The following TYW1 variants were observed in gnomAD, a reference collection of about 807,000 sequenced individuals.
The protein encoded by TYW1 is S-adenosyl-L-methionine-dependent tRNA 4-demethylwyosine synthase TYW1.
In TYW1, 46 loss-of-function variants were observed where a neutral mutation model predicts 96.2. The observed-to-expected ratio is 0.48, with a 90% confidence interval of 0.38 to 0.61. TYW1 has a LOEUF of 0.61. TYW1 is among the 20% of genes least tolerant of loss of function. The pLI is 0.00. For synonymous variants in TYW1, 274 were observed against 323.0 expected (o/e 0.85, Z 1.63); for missense variants, 684 against 909.6 (o/e 0.75, Z 3.19).
chr7:67,151,257 C>T (rs1423306642), intron 13 of TYW1, among the ~76,000 whole-genome samples: 1 of 152,112 alleles, frequency 6.6e-6, no homozygotes, highest in Non-Finnish European at 1.5e-5. Context: ...TCATGTTGGC[C>T]AGGCTGGTCT....
At chr7:67,041,712 T>C (rs898323482) in intron 7 of TYW1, among the ~76,000 whole-genome samples, 4 of 152,306 alleles carry the variant, frequency 2.6e-5, no homozygotes, top group African/African-American at 7.2e-5. Context: ...AGGGAAGTAG[T>C]ACGTGCCAGT....
At chr7:67,112,693 A>G (rs1289222366) in intron 12 of TYW1, among the ~76,000 whole-genome samples, 1 of 152,196 alleles carries the variant, frequency 6.6e-6, no homozygotes, top group Admixed American at 6.5e-5. Flanking sequence ...CTTCGAGGTA[A>G]GTATGTCTCC....
intron 1 of TYW1, 56 bp downstream of exon 1, chr7:66,997,038 C>G (rs919680938): frequency 2.2e-5 from 35 of 1,610,148 alleles, no homozygotes; most frequent in Non-Finnish European, 2.9e-5. Context: ...AAACGTTTTA[C>G]TGAGACCCTC....
At chr7:67,154,463 T>C (rs1284421272) in intron 13 of TYW1, among the ~76,000 whole-genome samples, 2 of 124,034 alleles carry the variant, frequency 1.6e-5, no homozygotes, top group African/African-American at 6.8e-5. Context: ...AAGGATAGTT[T>C]TGCTGGATTT....
At chr7:67,022,063 A>G (rs1227279247) in intron 6 of TYW1, among the ~76,000 whole-genome samples, 3 of 152,164 alleles carry the variant, frequency 2.0e-5, no homozygotes, top group Non-Finnish European at 4.4e-5. Flanking sequence ...GGCATGCACC[A>G]TCATGCCCAG....
intron 14 of TYW1, among the ~76,000 whole-genome samples, chr7:67,194,489 G>T (rs1389156583): frequency 2.0e-5 from 3 of 152,094 alleles, no homozygotes; most frequent in African/African-American, 7.2e-5. Context: ...GCCAGGCATG[G>T]TGGCAGGCGC....
intron 13 of TYW1, among the ~76,000 whole-genome samples, chr7:67,132,695 C>T (rs1252490006): frequency 2.0e-5 from 3 of 152,106 alleles, no homozygotes; most frequent in Non-Finnish European, 4.4e-5. Flanking sequence ...TATGAAACTT[C>T]ATACCCATTA....
intron 7 of TYW1, among the ~76,000 whole-genome samples, chr7:67,035,391 CA>C (rs1794805503): frequency 6.6e-6 from 1 of 152,082 alleles, no homozygotes; most frequent in South Asian, 2.1e-4. Flanking sequence ...GTTGGGATTA[CA>C]AGCGTGAGCC....
At chr7:67,222,866 C>CTTTTTTTTTTTTTTTTTTTTTTTTT (rs570972265) in intron 15 of TYW1, among the ~76,000 whole-genome samples, 1 of 109,630 alleles carries the variant, frequency 9.1e-6, no homozygotes, top group African/African-American at 3.6e-5. Context: ...CGCTTTTTTT[C>CTTTTTTTTTTTTTTTTTTTTTTTTT]TTTTTTTTTT....
In TYW1 at chr7:66,998,074, C is replaced by T. The variant is rs756796485; in HGVS notation, c.14C>T (p.Ala5Val). The part of the protein sequence containing the change: MDPS[A>V]DTWDLFSPLI... ...GTCATTTTAAATTTAGATCCTTCTG[C>T]GGATACATGGGACCTCTTCTCACCT... The change falls in exon 2 of 16, where the codon GCG becomes GTG. Residue 5 changes from alanine to valine, a missense_variant. Coordinates refer to ENST00000359626, the MANE Select transcript of TYW1 (RefSeq NM_018264.4). The T allele has an allele frequency of 1.3e-5, 20 of 1,589,540 alleles. No homozygotes were observed. Among genetic ancestry groups the T allele is most frequent in the Admixed American group, 7.5e-5 (4 of 53,136 alleles).
intron 10 of TYW1, 42 bp from the exon 11 acceptor site, chr7:67,083,388 T>G: frequency 1.9e-6 from 3 of 1,595,168 alleles, no homozygotes; most frequent in Non-Finnish European, 2.6e-6. Flanking sequence ...GCCCAGATCT[T>G]ATTACAGAAG....
intron 13 of TYW1, among the ~76,000 whole-genome samples, chr7:67,175,410 A>T (rs1713265462): frequency 1.3e-5 from 2 of 152,162 alleles, no homozygotes; most frequent in African/African-American, 4.8e-5. Context: ...ACCTCAGGTG[A>T]TCCACCTGCC....
chr7:67,073,203 A>G (rs1197357858), intron 10 of TYW1, among the ~76,000 whole-genome samples: 2 of 152,078 alleles, frequency 1.3e-5, no homozygotes, highest in Admixed American at 1.3e-4. Context: ...ACTGGGGGCA[A>G]AATTGCTATT....
chr7:67,136,845 C>G (rs1335131993), intron 13 of TYW1, among the ~76,000 whole-genome samples: 1 of 151,904 alleles, frequency 6.6e-6, no homozygotes, highest in African/African-American at 2.4e-5. Context: ...TTTTTTGAGA[C>G]AGACTTTCAC....
At chr7:67,195,980 C>G (rs1035172956) in intron 15 of TYW1, among the ~76,000 whole-genome samples, 1 of 151,842 alleles carries the variant, frequency 6.6e-6, no homozygotes, top group Non-Finnish European at 1.5e-5. Flanking sequence ...AATACTTATT[C>G]TTTCTCATTA....
chr7:67,020,805 G>A (rs755630328), intron 6 of TYW1, among the ~76,000 whole-genome samples: 24 of 152,262 alleles, frequency 1.6e-4, no homozygotes, highest in Non-Finnish European at 2.5e-4. Context: ...CAAGGCAGGC[G>A]GATCATGAGG....
chr7:67,093,340 A>G (rs1783591365), intron 11 of TYW1, among the ~76,000 whole-genome samples: 1 of 152,170 alleles, frequency 6.6e-6, no homozygotes, highest in Admixed American at 6.5e-5. Flanking sequence ...TCTCCATTTT[A>G]AAGATCAGGG....
intron 11 of TYW1, among the ~76,000 whole-genome samples, chr7:67,087,712 A>G (rs1213858657): frequency 6.6e-6 from 1 of 152,120 alleles, no homozygotes; most frequent in African/African-American, 2.4e-5. Context: ...ACTGGTTAAT[A>G]TTTGTGCATT....
In TYW1 at chr7:66,996,898, C is replaced by A; in HGVS notation, c.-81C>A. 1 of 1,607,552 alleles carries A rather than the reference C, an allele frequency of 6.2e-7. No homozygotes were observed. The stretch of plus-strand genomic sequence containing the variant: ...GTACGCCGCTAACGCGGCGAGGTAG[C>A]TCGGTGCGTCTCGCGGTACCAGTGC... On this transcript the variant is annotated 5_prime_UTR_variant, in exon 1 of 16. Coordinates refer to ENST00000359626, the MANE Select transcript of TYW1 (RefSeq NM_018264.4).
Sources: gnomAD v4.1 joint callset for allele counts (sites outside exome capture counted in the v4.1 genomes callset) on GRCh38, gnomAD v4.1.1 for gene constraint, MANE v1.5 for transcripts, NCBI Gene and HGNC (gene_info 2026-07-23, HGNC 2026-07-21) for gene names.